The following PHACTR3 variants were observed in gnomAD, a reference collection of about 807,000 sequenced individuals.
PHACTR3 encodes phosphatase and actin regulator 3.
Under a neutral mutation model 66.8 loss-of-function variants are expected in PHACTR3, and 16 were observed. The ratio of observed to expected loss-of-function variants is 0.24; its 90% CI spans 0.16 to 0.36. The LOEUF is 0.36. Among genes scored for constraint, PHACTR3 ranks in the 10% least tolerant of loss-of-function variants. The probability of loss-of-function intolerance (pLI) is 1.00; values close to 1 mark genes in which losing one functional copy is unlikely to be tolerated. For synonymous variants in PHACTR3, 323 were observed against 292.1 expected (o/e 1.11, Z -1.08); for missense variants, 647 against 719.9 (o/e 0.90, Z 1.16).
intron 1 of PHACTR3, among the ~76,000 whole-genome samples, chr20:59,705,173 T>C (rs921690599): frequency 2.6e-5 from 4 of 152,078 alleles, no homozygotes; most frequent in African/African-American, 9.7e-5. Context: ...CCCAGGCTGG[T>C]CTCCAACTCC....
Position 59,811,608 on chromosome 20 carries a change from A to G in PHACTR3, c.1328+5414A>G, listed in dbSNP as rs555303188. Among the ~76,000 whole-genome samples, 7 of 152,078 alleles carry G rather than the reference A, an allele frequency of 4.6e-5. No homozygotes were observed. The East Asian group carries it at 1.2e-3, about 25-fold the overall frequency. ...TGGGAGGCAGAGTTTGCAGTGAGCCAAGATCATGCTATTGTACTCCAGCCT... is the reference window on the plus strand; with the variant it reads ...TGGGAGGCAGAGTTTGCAGTGAGCCGAGATCATGCTATTGTACTCCAGCCT... On this transcript the variant is annotated intron_variant, in intron 8 of 12. Coordinates refer to ENST00000371015, the MANE Select transcript of PHACTR3 (RefSeq NM_080672.5).
chr20:59,726,349 C>G (rs2146701463), intron 1 of PHACTR3, among the ~76,000 whole-genome samples: 1 of 152,256 alleles, frequency 6.6e-6, no homozygotes. Flanking sequence ...CCAGAAGCCA[C>G]CAGCACTAAG....
chr20:59,754,664 C>T (rs1413293672), intron 3 of PHACTR3, among the ~76,000 whole-genome samples: 1 of 152,252 alleles, frequency 6.6e-6, no homozygotes, highest in East Asian at 1.9e-4. Flanking sequence ...CGTTTGTTGT[C>T]CCCTGTCTGG....
intron 1 of PHACTR3, among the ~76,000 whole-genome samples, chr20:59,580,587 A>G (rs1012472282): frequency 2.0e-5 from 3 of 151,620 alleles, no homozygotes; most frequent in Admixed American, 6.6e-5. Context: ...TTCCTTTAAA[A>G]TTTTTGTTTG....
intron 1 of PHACTR3, among the ~76,000 whole-genome samples, chr20:59,580,423 A>T (rs979164477): frequency 6.6e-6 from 1 of 151,810 alleles, no homozygotes; most frequent in African/African-American, 2.4e-5. Context: ...GGGAATCTTA[A>T]CTCTCACCCT....
intron 11 of PHACTR3, 186 bp from the exon 12 acceptor site, chr20:59,845,003 C>T (rs1385103497): frequency 2.2e-6 from 1 of 462,814 alleles, no homozygotes; most frequent in African/African-American, 2.0e-5. Context: ...TAGCTACATA[C>T]TAGCTTGGTA....
At chr20:59,656,460 C>G (rs546014741) in intron 1 of PHACTR3, among the ~76,000 whole-genome samples, 1 of 152,050 alleles carries the variant, frequency 6.6e-6, no homozygotes, top group South Asian at 2.1e-4. Flanking sequence ...AATAGCCACT[C>G]TAGCTTTTGT....
chr20:59,671,272 T>TG (rs1490445303), intron 1 of PHACTR3, among the ~76,000 whole-genome samples: 1 of 152,134 alleles, frequency 6.6e-6, no homozygotes, highest in African/African-American at 2.4e-5. Flanking sequence ...ACAAGAAGGC[T>TG]GGGGGTGCGG....
chr20:59,722,757 G>T (rs994660144), intron 1 of PHACTR3, among the ~76,000 whole-genome samples: 2 of 152,086 alleles, frequency 1.3e-5, no homozygotes, highest in African/African-American at 4.8e-5. Flanking sequence ...TGGCGGAAGA[G>T]GAGCCCTCAG....
intron 1 of PHACTR3, among the ~76,000 whole-genome samples, chr20:59,674,382 C>CCCTTCTCCTGTTCCT (rs1299491588): frequency 2.8e-5 from 4 of 142,144 alleles, no homozygotes; most frequent in Non-Finnish European, 5.9e-5. Flanking sequence ...CTGTTCCTTC[C>CCCTTCTCCTGTTCCT]CCTTCTCCTG....
intron 1 of PHACTR3, among the ~76,000 whole-genome samples, chr20:59,659,660 C>T (rs148409176): frequency 0.032 from 4,866 of 152,072 alleles, 98 homozygotes; most frequent in South Asian, 0.095. Flanking sequence ...TGTGAGCCAC[C>T]GCAACTGGCC....
chr20:59,590,094 T>C lies in PHACTR3; in HGVS notation c.109+12477T>C, dbSNP rs577773926. ...GAAATATATGGTACTGGTGAGTGTG[T>C]GCACTCACGTGTGCATGTGTGTGCG... On this transcript the variant is annotated intron_variant, in intron 1 of 12. Coordinates refer to the PHACTR3 transcript ENST00000359926. Among the ~76,000 whole-genome samples, 4 of 152,334 alleles carry C rather than the reference T, an allele frequency of 2.6e-5. No homozygotes were observed. The East Asian group carries it at 7.7e-4, about 29-fold the overall frequency.
intron 1 of PHACTR3, among the ~76,000 whole-genome samples, chr20:59,675,312 T>G (rs1044727390): frequency 7.9e-5 from 12 of 152,006 alleles, no homozygotes; most frequent in African/African-American, 2.9e-4. Flanking sequence ...TACCCCATTG[T>G]ACAGGTGGGT....
At chr20:59,805,630 G>T (rs2041542616) in intron 7 of PHACTR3, among the ~76,000 whole-genome samples, 1 of 152,214 alleles carries the variant, frequency 6.6e-6, no homozygotes, top group African/African-American at 2.4e-5. Flanking sequence ...GGGGGACAGT[G>T]GGCAGGGAGA....
chr20:59,680,757 C>T (rs751385464), intron 1 of PHACTR3, among the ~76,000 whole-genome samples: 7 of 152,132 alleles, frequency 4.6e-5, no homozygotes, highest in Non-Finnish European at 5.9e-5. Context: ...CCAAGGAAGC[C>T]AAAAGATTGG....
chr20:59,719,415 G>A (rs566680550), intron 1 of PHACTR3, among the ~76,000 whole-genome samples: 17 of 152,234 alleles, frequency 1.1e-4, no homozygotes, highest in East Asian at 9.7e-4. Context: ...CACCCACCTC[G>A]GCCTCCCAAA....
In PHACTR3 at chr20:59,605,120, G is replaced by A. The variant is rs762287242; in HGVS notation, c.106G>A (p.Gly36Arg). The change falls in exon 1 of 13, where the codon GGG becomes AGG. Residue 36 changes from glycine to arginine, a missense_variant. Physicochemically the swap from Gly to Arg is moderately radical, Grantham distance 125. Around this residue, in one of 2 missense-constraint regions of PHACTR3, gnomAD observed 577 missense variants for 571.1 expected, o/e 1.01. Coordinates refer to ENST00000371015, the MANE Select transcript of PHACTR3 (RefSeq NM_080672.5). ...CTCGGCCACCTCCTCCGCGGACGCC[G>A]GGGAGAACCCAGGTAACGGGCTGGG... ...DSSATSSADA[G>R]ENPDEMDQTP... The A allele has an allele frequency of 2.2e-6, 3 of 1,367,134 alleles. No individual in the cohort carries two copies. The highest frequency in any genetic ancestry group is 1.8e-5 in the South Asian group (1 of 54,270). 84.7% of individuals were successfully genotyped at this position (1,367,134 alleles called of 1,614,324 possible). A position where few individuals can be genotyped will look rare whatever the true frequency, so the allele number is the denominator to read the frequency against.
intron 1 of PHACTR3, among the ~76,000 whole-genome samples, chr20:59,697,447 A>C (rs185205752): frequency 6.6e-6 from 1 of 152,348 alleles, no homozygotes; most frequent in Admixed American, 6.5e-5. Context: ...GAGGCCCCTA[A>C]CAAATGTCAA....
intron 1 of PHACTR3, among the ~76,000 whole-genome samples, chr20:59,619,223 C>T (rs1428501033): frequency 6.6e-6 from 1 of 152,142 alleles, no homozygotes; most frequent in Non-Finnish European, 1.5e-5. Context: ...GCACAGGAGA[C>T]TTTAAGAAAG....
Sources: gnomAD v4.1 joint callset for allele counts (sites outside exome capture counted in the v4.1 genomes callset) on GRCh38, gnomAD v4.1.1 for gene constraint, gnomAD v4.1.1 regional missense constraint, MANE v1.5 for transcripts, NCBI Gene and HGNC (gene_info 2026-07-23, HGNC 2026-07-21) for gene names.